PAX8: variants seen among roughly 807,000 people sequenced by gnomAD.
PAX8 encodes paired box protein Pax-8.
PAX8 carries 15 observed loss-of-function variants against 52.4 expected under a neutral mutation model. The ratio of observed to expected loss-of-function variants is 0.29; its 90% CI spans 0.19 to 0.44. The LOEUF (loss-of-function observed/expected upper bound fraction) is 0.44, where lower values mean the gene tolerates loss of function less well. Among genes scored for constraint, PAX8 ranks in the 20% least tolerant of loss-of-function variants. The pLI, the probability that PAX8 is intolerant of heterozygous loss-of-function variation, is 1.00. For missense variants in PAX8, 554 were observed against 602.5 expected (o/e 0.92, Z 0.84); for synonymous variants, 284 against 249.7 (o/e 1.14, Z -1.29).
chr2:113,278,614 C>A, intron 1 of PAX8, 145 bp from the exon 2 acceptor site: 1 of 759,690 alleles, frequency 1.3e-6, no homozygotes, highest in East Asian at 2.8e-5. Context: ...CAACCTCAGC[C>A]TAGCCTAGCT....
intron 7 of PAX8, chr2:113,240,990 C>T (rs908510650): frequency 1.3e-4 from 25 of 195,422 alleles, no homozygotes; most frequent in East Asian, 5.2e-4. Flanking sequence ...GGAGGACTGA[C>T]GGAGAGGGTG....
intron 2 of PAX8, among the ~76,000 whole-genome samples, chr2:113,277,911 G>A (rs1170044120): frequency 2.0e-5 from 3 of 152,134 alleles, no homozygotes; most frequent in Non-Finnish European, 2.9e-5. Flanking sequence ...GTTGGCTTGA[G>A]AGATGCGGGG....
chr2:113,259,709 A>G (rs1250147434), intron 2 of PAX8: 1 of 151,988 alleles, frequency 6.6e-6, no homozygotes, highest in Non-Finnish European at 1.5e-5. Context: ...CGAAAGCATT[A>G]ATTGATGAAA....
chr2:113,245,837 T>C (rs2104504177), intron 3 of PAX8, among the ~76,000 whole-genome samples: 1 of 152,322 alleles, frequency 6.6e-6, no homozygotes, highest in East Asian at 1.9e-4. Flanking sequence ...ATCATGCCTT[T>C]CCCTAACTAC....
intron 2 of PAX8, among the ~76,000 whole-genome samples, chr2:113,261,922 G>T (rs918418055): frequency 6.6e-6 from 1 of 151,734 alleles, no homozygotes; most frequent in Non-Finnish European, 1.5e-5. Context: ...CGCCCCACCC[G>T]GGTTCAAGCA....
At chr2:113,236,788 G>C in intron 7 of PAX8, 67 bp from the exon 8 acceptor site, 1 of 1,529,882 alleles carries the variant, frequency 6.5e-7, no homozygotes, top group South Asian at 1.2e-5. Flanking sequence ...CAGACCCTGA[G>C]CCTGTGTCTT....
intron 2 of PAX8, chr2:113,269,228 G>A (rs1484466166): frequency 6.6e-6 from 1 of 152,274 alleles, no homozygotes; most frequent in Non-Finnish European, 1.5e-5. Context: ...GCCACAAACT[G>A]TCCAGCAGCC....
chr2:113,248,062 G>A (rs543744319), intron 2 of PAX8, among the ~76,000 whole-genome samples: 11 of 152,264 alleles, frequency 7.2e-5, no homozygotes, highest in African/African-American at 2.6e-4. Context: ...CCAGGCAGTG[G>A]GAACAGAATG....
intron 10 of PAX8, 87 bp downstream of exon 10, chr2:113,227,068 C>T: frequency 6.5e-7 from 1 of 1,536,536 alleles, no homozygotes; most frequent in Non-Finnish European, 8.7e-7. Flanking sequence ...ATGAATAGGG[C>T]ACAGTATGCC....
intron 11 of PAX8, 59 bp from the exon 12 acceptor site, chr2:113,218,668 A>G (rs1020409347): frequency 7.2e-6 from 8 of 1,112,454 alleles, no homozygotes; most frequent in South Asian, 1.4e-5. Flanking sequence ...AAATTGCACC[A>G]TAGCCTTCCC....
chr2:113,246,363 G>C (rs975529283), intron 3 of PAX8, among the ~76,000 whole-genome samples: 2 of 152,162 alleles, frequency 1.3e-5, no homozygotes, highest in African/African-American at 2.4e-5. Context: ...TTAGGGGTTA[G>C]ACCTTGGGAG....
intron 2 of PAX8, chr2:113,273,538 G>C (rs1048946681): frequency 6.6e-6 from 1 of 152,148 alleles, no homozygotes; most frequent in Non-Finnish European, 1.5e-5. Context: ...TGAGAGACTT[G>C]GGATTTCTCA....
intron 2 of PAX8, among the ~76,000 whole-genome samples, chr2:113,276,992 C>T (rs1693861547): frequency 6.6e-6 from 1 of 152,208 alleles, no homozygotes; most frequent in African/African-American, 2.4e-5. Context: ...AAAACCTGAT[C>T]CTGACCTTAG....
At chr2:113,275,410 C>A (rs532649509) in intron 2 of PAX8, 1 of 152,314 alleles carries the variant, frequency 6.6e-6, no homozygotes, top group African/African-American at 2.4e-5. Context: ...TCAACCCAGG[C>A]AGGAAACCTG....
intron 3 of PAX8, among the ~76,000 whole-genome samples, chr2:113,246,489 T>C (rs1292760077): frequency 6.6e-6 from 1 of 151,614 alleles, no homozygotes; most frequent in Non-Finnish European, 1.5e-5. Context: ...TAATGAGACA[T>C]GGAGCAAAAG....
In PAX8 at chr2:113,216,221, C is replaced by T. The variant is rs886054784; in HGVS notation, c.*2312G>A. On this transcript the variant is annotated 3_prime_UTR_variant, in exon 12 of 12. Coordinates refer to ENST00000429538, the MANE Select transcript of PAX8 (RefSeq NM_003466.4). ...CTCAGATGTCATGGATTCGGAGTCG[C>T]GCTGCAGAGGGAAGTTCTGCCATTG... The T allele has an allele frequency of 4.3e-5, 10 of 230,948 alleles. No individual in the cohort carries two copies. Among genetic ancestry groups the T allele is most frequent in the East Asian group, 3.1e-4 (5 of 16,336 alleles). 14.3% of individuals were successfully genotyped at this position (230,948 alleles called of 1,614,324 possible).
At chr2:113,234,487 C>A (rs1255425986) in intron 9 of PAX8, among the ~76,000 whole-genome samples, 1 of 152,192 alleles carries the variant, frequency 6.6e-6, no homozygotes, top group Non-Finnish European at 1.5e-5. Context: ...TAGAGGCTCC[C>A]TCAGGTGCTT....
intron 2 of PAX8, among the ~76,000 whole-genome samples, chr2:113,247,239 G>A (rs1320868576): frequency 2.6e-5 from 4 of 152,216 alleles, no homozygotes; most frequent in Non-Finnish European, 4.4e-5. Context: ...TGAAAAGTGT[G>A]TAAGGAATTG....
chr2:113,235,600 A>G lies in PAX8; in HGVS notation c.899-18T>C, dbSNP rs1185015709. On this transcript the variant is annotated intron_variant, in intron 8 of 11. Coordinates refer to ENST00000429538, the MANE Select transcript of PAX8 (RefSeq NM_003466.4). ...GTGAGGATCTGCCGGAGGGAGGGAG[A>G]CAACAAGGAGAGAGGGGTGTGAGAT... The G allele has an allele frequency of 5.0e-6, 8 of 1,596,392 alleles. No homozygotes were observed. The highest frequency in any genetic ancestry group is 6.0e-6 in the Non-Finnish European group (7 of 1,168,632).
Sources: allele counts gnomAD v4.1 joint callset (sites outside exome capture counted in the v4.1 genomes callset), GRCh38; gene constraint gnomAD v4.1.1; transcripts MANE v1.5; gene names NCBI Gene and HGNC (gene_info 2026-07-23, HGNC 2026-07-21).